Variants in HMCN1 observed in about 807,000 individuals in gnomAD.
HMCN1 encodes the protein hemicentin 1.
HMCN1 carries 321 observed loss-of-function variants against 625.9 expected under a neutral mutation model. That is an observed-to-expected ratio of 0.51 (90% CI 0.47 to 0.56). HMCN1 has a LOEUF of 0.56. Ranked by LOEUF, HMCN1 falls within the 20% of genes least tolerant of loss-of-function variation. HMCN1 has a pLI of 0.00. For synonymous variants in HMCN1, 2,425 were observed against 2,417.6 expected, an observed-to-expected ratio of 1.00 and a Z score of -0.09; for missense variants, 6,588 against 6,887.3, an observed-to-expected ratio of 0.96 and a Z score of 1.54.
intron 1 of HMCN1, among the ~76,000 whole-genome samples, chr1:185,740,913 G>A (rs184256348): frequency 3.0e-4 from 45 of 152,230 alleles, no homozygotes; most frequent in Non-Finnish European, 2.4e-4. Context: ...AGAATCGCTC[G>A]AACCCTGGAG....
At chr1:186,119,087 C>A (rs1661268280) in intron 77 of HMCN1, 104 bp from the exon 78 acceptor site, 1 of 809,636 alleles carries the variant, frequency 1.2e-6, no homozygotes, top group South Asian at 1.4e-5. Flanking sequence ...ATAAGCCAAG[C>A]ACCACCATGC....
At position 185,922,425 on chromosome 1, in the gene HMCN1, C is replaced by T. The variant is rs762039811; in HGVS notation, c.947C>T (p.Thr316Ile). 6.2e-7 allele frequency: 1 copy of T among 1,613,696 alleles called. No homozygotes were observed. Among genetic ancestry groups the T allele is most frequent in the Non-Finnish European group, 8.5e-7 (1 of 1,179,742 alleles). ...RHSVRITGLS[T>I]IDFRAGFSRK... ...TCTGTTCGCATTACTGGCCTCAGTACTATTGATTTCCGAGCTGGCTTTTCT... is the reference window on the plus strand; with the variant it reads ...TCTGTTCGCATTACTGGCCTCAGTATTATTGATTTCCGAGCTGGCTTTTCT... The change falls in exon 7 of 107, where the codon ACT becomes ATT. Residue 316 changes from threonine to isoleucine, a missense_variant. This residue lies in a region of HMCN1 where 4,628 missense variants were observed against 4,853.1 expected (regional missense o/e 0.95). Coordinates refer to ENST00000271588, the MANE Select transcript of HMCN1 (RefSeq NM_031935.3).
rs913154418 is a variant in HMCN1 at position 186,161,577 on chromosome 1, T to C, written c.15257-3534T>C. Reference sequence around the variant, plus strand: ...CTGGTACCAGTTGTTCCTTTCCATGTTTAGTGCTTCCTTCAGGAGCTCTTT... The same window carrying C: ...CTGGTACCAGTTGTTCCTTTCCATGCTTAGTGCTTCCTTCAGGAGCTCTTT... On this transcript the variant is annotated intron_variant, in intron 97 of 106. Coordinates refer to ENST00000271588, the MANE Select transcript of HMCN1 (RefSeq NM_031935.3). Among the ~76,000 whole-genome samples the C allele has an allele frequency of 1.0e-3, 152 of 152,198 alleles. 1 individual carries two copies. Among genetic ancestry groups the C allele is most frequent in the Non-Finnish European group, 2.0e-3 (133 of 68,044 alleles).
intron 36 of HMCN1, among the ~76,000 whole-genome samples, chr1:186,030,851 C>A (rs1336453963): frequency 1.3e-5 from 2 of 151,174 alleles, no homozygotes; most frequent in Non-Finnish European, 3.0e-5. Context: ...AGTAGTTTTC[C>A]TCAGTATTAT....
intron 89 of HMCN1, among the ~76,000 whole-genome samples, chr1:186,141,450 AT>A (rs1428841589): frequency 6.6e-6 from 1 of 152,152 alleles, no homozygotes; most frequent in Non-Finnish European, 1.5e-5. Flanking sequence ...CTTCAAACTT[AT>A]TTTGTACTTT....
intron 1 of HMCN1, among the ~76,000 whole-genome samples, chr1:185,782,854 G>T (rs1657239523): frequency 6.6e-6 from 1 of 152,068 alleles, no homozygotes; most frequent in Non-Finnish European, 1.5e-5. Context: ...GAGTATCTTT[G>T]TGGCGTTCTC....
intron 97 of HMCN1, among the ~76,000 whole-genome samples, chr1:186,155,081 G>A (rs1158964571): frequency 6.6e-6 from 1 of 152,170 alleles, no homozygotes; most frequent in Non-Finnish European, 1.5e-5. Flanking sequence ...TCCTAAAATA[G>A]AGCCAAGTAA....
At chr1:186,096,070 G>GT (rs1195507784) in intron 68 of HMCN1, among the ~76,000 whole-genome samples, 1 of 152,152 alleles carries the variant, frequency 6.6e-6, no homozygotes, top group Non-Finnish European at 1.5e-5. Context: ...GGAAGAGAAA[G>GT]TAAGATAATG....
rs770177855 is a variant in HMCN1, at chr1:186,087,509, C to G, written c.9227C>G (p.Ser3076Cys). ...GTAGTTAATGTAAGAGAGGGAACTTCTGTGTCTTTGGAGTGTGAGTCGAAC... is the reference window on the plus strand; with the variant it reads ...GTAGTTAATGTAAGAGAGGGAACTTGTGTGTCTTTGGAGTGTGAGTCGAAC... ...LSVVNVREGT[S>C]VSLECESNAV... is the part of the protein sequence containing the mutation. The change falls in exon 60 of 107, where the codon TCT (serine) becomes TGT (cysteine). Residue 3076 changes from serine (S) to cysteine (C), a missense_variant. Ser to Cys is a moderately radical substitution (Grantham distance 112). This residue lies in a region of HMCN1 where 4,628 missense variants were observed against 4,853.1 expected (regional missense o/e 0.95). Coordinates refer to ENST00000271588, the MANE Select transcript of HMCN1 (RefSeq NM_031935.3). 1.2e-6 allele frequency: 2 copies of G among 1,613,218 alleles called. No homozygotes were observed. Among genetic ancestry groups the G allele is most frequent in the South Asian group, 2.2e-5 (2 of 91,066 alleles).
At chr1:185,969,126 C>G (rs966742159) in intron 14 of HMCN1, among the ~76,000 whole-genome samples, 1 of 152,102 alleles carries the variant, frequency 6.6e-6, no homozygotes, top group Admixed American at 6.6e-5. Flanking sequence ...CATTTTAATA[C>G]TTGATGACCA....
At chr1:185,919,472 G>A (rs559258232) in intron 6 of HMCN1, among the ~76,000 whole-genome samples, 8 of 152,220 alleles carry the variant, frequency 5.3e-5, no homozygotes, top group South Asian at 4.2e-4. Context: ...AGATTTACTC[G>A]TAGATTTGGG....
At chr1:186,049,009 G>A (rs980583070) in intron 42 of HMCN1, among the ~76,000 whole-genome samples, 170 bp downstream of exon 42, 2 of 151,976 alleles carry the variant, frequency 1.3e-5, no homozygotes, top group Non-Finnish European at 2.9e-5. Context: ...TAACTACTTC[G>A]AGAGTAACTC....
rs199563990 is a variant in HMCN1 at position 186,095,557 on chromosome 1, A to G, written c.10573+36A>G. ...ATTGTGGTAAATGTAGAATAATTGG[A>G]AAGTAAGTGATAGTGAATGTTTAGT... On this transcript the variant is annotated intron_variant, in intron 68 of 106. Transcript: ENST00000271588. 106 of 1,595,190 alleles carry G rather than the reference A, an allele frequency of 6.6e-5. 1 individual carries two copies. The highest frequency in any genetic ancestry group is 3.3e-4 in the Middle Eastern group (2 of 6,000).
At chr1:186,148,351 A>G (rs72707459) in intron 93 of HMCN1, among the ~76,000 whole-genome samples, 9,272 of 152,156 alleles carry the variant, frequency 0.061, 695 homozygotes, top group African/African-American at 0.18. Context: ...GGGGGAATCA[A>G]CTTCCAATAT....
chr1:185,923,145 T>C (rs998674464), intron 7 of HMCN1, among the ~76,000 whole-genome samples: 1 of 152,168 alleles, frequency 6.6e-6, no homozygotes, highest in East Asian at 1.9e-4. Context: ...TATAACAATT[T>C]TCACGATTCT....
chr1:186,034,085 T>C (rs903138760), intron 36 of HMCN1, among the ~76,000 whole-genome samples: 1 of 152,238 alleles, frequency 6.6e-6, no homozygotes, highest in Non-Finnish European at 1.5e-5. Flanking sequence ...GAACCCAATG[T>C]AATCATAAGG....
At position 186,137,610 on chromosome 1, in the gene HMCN1, G is replaced by C. The variant is rs944831596; in HGVS notation, c.13695G>C (p.Gly4565=). The C allele has an allele frequency of 1.2e-6, 2 of 1,614,054 alleles. No individual in the cohort carries two copies. ...ACCAGCCCCTTCCAGCCAATGGTGG[G>C]AAGCCCTGCCAAGGTTCAGATTTGG... The part of the protein sequence containing the change: ...LCNQPLPANG[G]KPCQGSDLEM... Residue 4565 remains glycine (G), a synonymous_variant, in exon 88 of 107, where the codon GGG becomes GGC. Transcript: ENST00000271588.
At chr1:185,965,640 A>G (rs1426555652) in intron 13 of HMCN1, among the ~76,000 whole-genome samples, 162 bp from the exon 14 acceptor site, 8 of 152,016 alleles carry the variant, frequency 5.3e-5, no homozygotes, top group African/African-American at 9.7e-5. Context: ...TTTTTATCAC[A>G]TACACCTATG....
At chr1:186,041,305 A>G in intron 40 of HMCN1, among the ~76,000 whole-genome samples, 169 bp downstream of exon 40, 1 of 152,132 alleles carries the variant, frequency 6.6e-6, no homozygotes, top group East Asian at 1.9e-4. Flanking sequence ...CTGACTTTGG[A>G]TGATTTTCCT....
Sources: allele counts gnomAD v4.1 joint callset (sites outside exome capture counted in the v4.1 genomes callset), GRCh38; gene constraint gnomAD v4.1.1; regional missense constraint gnomAD v4.1.1; transcripts MANE v1.5; gene names NCBI Gene and HGNC (gene_info 2026-07-23, HGNC 2026-07-21).